The following CHM variants were observed in gnomAD, a reference collection of about 807,000 sequenced individuals.
CHM encodes CHM Rab escort protein.
In CHM, 10 loss-of-function variants were observed where a neutral mutation model predicts 49.0. That is an observed-to-expected ratio of 0.20 (90% CI 0.13 to 0.35). The LOEUF (loss-of-function observed/expected upper bound fraction) is 0.35, where lower values mean the gene tolerates loss of function less well. Among genes scored for constraint, CHM ranks in the 10% least tolerant of loss-of-function variants. CHM has a pLI of 1.00. For synonymous variants in CHM, 184 were observed against 167.5 expected, an observed-to-expected ratio of 1.10 and a Z score of -0.76; for missense variants, 455 against 478.4, an observed-to-expected ratio of 0.95 and a Z score of 0.46.
At chrX:85,868,217 A>G (rs1923829969) in intron 14 of CHM, among the ~76,000 whole-genome samples, 1 of 111,968 alleles carries the variant, frequency 8.9e-6, no homozygotes, top group East Asian at 2.8e-4. Flanking sequence ...TAGAATCTAA[A>G]AAAGTTGAGG....
rs954356289 is a variant in CHM at position 85,861,509 on chromosome X, C to T, written c.*3121G>A. 11 of 111,577 alleles carry T rather than the reference C, an allele frequency of 9.9e-5. No homozygotes were observed. The highest frequency in any genetic ancestry group is 4.8e-4 in the Admixed American group (5 of 10,463). The allele number at this position is 111,577 out of a possible 1,213,427, so 9.2% of individuals were successfully genotyped here. A position where few individuals can be genotyped will look rare whatever the true frequency, so the allele number is the denominator to read the frequency against. ...TACTGCCATTATTTTAGACAAAGGG[C>T]TGACAATCTCAGAAACTAGTTCTAG... is the stretch of plus-strand genomic sequence containing the variant. On this transcript the variant is annotated 3_prime_UTR_variant, in exon 15 of 15. Coordinates refer to ENST00000357749, the MANE Select transcript of CHM (RefSeq NM_000390.4).
At chrX:85,935,521 T>C (rs772261341) in intron 8 of CHM, among the ~76,000 whole-genome samples, 1 of 112,173 alleles carries the variant, frequency 8.9e-6, no homozygotes, top group South Asian at 3.7e-4. Flanking sequence ...CTAGGCTATA[T>C]GCTATATAGC....
chrX:85,927,802 C>T (rs1928181324), intron 8 of CHM, among the ~76,000 whole-genome samples: 1 of 112,017 alleles, frequency 8.9e-6, no homozygotes, highest in Non-Finnish European at 1.9e-5. Flanking sequence ...AAATTTTTGG[C>T]TGGTAGCCCC....
At chrX:85,963,196 GC>G (rs1490485975) in intron 5 of CHM, among the ~76,000 whole-genome samples, 4 of 111,171 alleles carry the variant, frequency 3.6e-5, no homozygotes, top group Admixed American at 9.6e-5. Context: ...ACCCCGACAG[GC>G]CCTGGTGTGT....
At chrX:85,970,188 T>C in intron 4 of CHM, 2 of 548,420 alleles carry the variant, frequency 3.6e-6, no homozygotes, top group Non-Finnish European at 4.4e-6. Flanking sequence ...CCAAAACATA[T>C]TGTATCCCAT....
chrX:85,948,835 T>A (rs1346421070), intron 8 of CHM, among the ~76,000 whole-genome samples: 1 of 111,761 alleles, frequency 8.9e-6, no homozygotes, highest in African/African-American at 3.3e-5. Flanking sequence ...TACTTTAGGA[T>A]AAAAATAAAA....
intron 1 of CHM, among the ~76,000 whole-genome samples, chrX:86,039,866 G>C (rs778235566): frequency 9.0e-6 from 1 of 111,435 alleles, no homozygotes; most frequent in Non-Finnish European, 1.9e-5. Context: ...GCGTAACTTC[G>C]AAGAAGAATC....
intron 8 of CHM, among the ~76,000 whole-genome samples, chrX:85,951,857 C>A (rs1368627934): frequency 8.9e-6 from 1 of 112,601 alleles, no homozygotes; most frequent in East Asian, 2.8e-4. Context: ...CAACCCTCCC[C>A]AATTCCACGG....
At chrX:85,968,767 T>C (rs923783741) in intron 4 of CHM, among the ~76,000 whole-genome samples, 2 of 112,202 alleles carry the variant, frequency 1.8e-5, no homozygotes, top group Admixed American at 1.9e-4. Context: ...AATGGAAGGC[T>C]AAGAGAAGTG....
chrX:85,887,514 T>C (rs1925159668), intron 12 of CHM, among the ~76,000 whole-genome samples: 1 of 111,317 alleles, frequency 9.0e-6, no homozygotes, highest in Admixed American at 9.6e-5. Flanking sequence ...ATACAGTAAA[T>C]TGGTACCATT....
Position 85,946,826 on chromosome X carries a change from C to G in CHM, c.1166+9327G>C, listed in dbSNP as rs192412301. Reference sequence around the variant, plus strand: ...AGGCACAGGCAGCTTGCACCCTGCACCTGAAAAAGCCACAGGCACTCAACA... The same window carrying G: ...AGGCACAGGCAGCTTGCACCCTGCAGCTGAAAAAGCCACAGGCACTCAACA... On this transcript the variant is annotated intron_variant, in intron 8 of 14. Transcript: ENST00000357749. Among the ~76,000 whole-genome samples the G allele has an allele frequency of 1.4e-4, 16 of 112,199 alleles. No homozygotes were observed. In the Admixed American group the frequency reaches 1.5e-3, roughly 11 times the overall value.
intron 2 of CHM, among the ~76,000 whole-genome samples, chrX:86,005,302 G>A (rs764550069): frequency 4.4e-4 from 49 of 111,995 alleles, no homozygotes; most frequent in African/African-American, 1.5e-3. Flanking sequence ...ATGCCCACAA[G>A]AGAAAGCAGG....
chrX:85,889,154 A>T (rs1176444875), intron 12 of CHM, among the ~76,000 whole-genome samples: 1 of 111,900 alleles, frequency 8.9e-6, no homozygotes, highest in African/African-American at 3.2e-5. Flanking sequence ...TATGAAGACT[A>T]TTTACAATTT....
rs184885551 is a variant in CHM at position 86,046,975 on chromosome X, C to T, written c.49+509G>A. ...TTACTTTCCCTAGTAAATTCATACG[C>T]ACATGGGCAATAATTGAGCATCTTT... On this transcript the variant is annotated intron_variant, in intron 1 of 14. Coordinates refer to ENST00000357749, the MANE Select transcript of CHM (RefSeq NM_000390.4). Among the ~76,000 whole-genome samples, 9 of 111,638 alleles carry T rather than the reference C, an allele frequency of 8.1e-5. No homozygotes were observed. The East Asian group carries it at 1.7e-3, about 21-fold the overall frequency.
intron 8 of CHM, among the ~76,000 whole-genome samples, chrX:85,948,150 A>G (rs961873179): frequency 2.7e-5 from 3 of 112,357 alleles, no homozygotes; most frequent in Non-Finnish European, 3.8e-5. Context: ...CTGACGTAGT[A>G]TATAAAACTT....
At chrX:86,000,011 A>T (rs185172182) in intron 2 of CHM, among the ~76,000 whole-genome samples, 1 of 111,762 alleles carries the variant, frequency 8.9e-6, no homozygotes, top group East Asian at 2.8e-4. Context: ...CATGCAAACA[A>T]TAGCAAAAGA....
Position 85,955,389 on chromosome X carries a change from A to G in CHM, c.1166+764T>C, listed in dbSNP as rs951198421. Among the ~76,000 whole-genome samples, 3 of 112,071 alleles carry G rather than the reference A, an allele frequency of 2.7e-5. No individual in the cohort carries two copies. The Admixed American group carries it at 2.8e-4, about 11-fold the overall frequency. ...TATGCCTCCTATGTACCCACAAAAA[A>G]TAAAAATTTTTAAAAATGTGTAAAA... On this transcript the variant is annotated intron_variant, in intron 8 of 14. Transcript: ENST00000357749.
chrX:85,965,674 G>C (rs1428353947), intron 4 of CHM, among the ~76,000 whole-genome samples: 5 of 110,960 alleles, frequency 4.5e-5, no homozygotes, highest in Non-Finnish European at 9.4e-5. Flanking sequence ...AAAAAGAAGT[G>C]CCTTATTAAA....
At chrX:85,870,363 C>T (rs1043290291) in intron 14 of CHM, among the ~76,000 whole-genome samples, 11 of 111,818 alleles carry the variant, frequency 9.8e-5, no homozygotes, top group African/African-American at 3.3e-4. Context: ...ATGTGAACAA[C>T]CTGATAGTTC....
Sources: allele counts gnomAD v4.1 joint callset (sites outside exome capture counted in the v4.1 genomes callset), GRCh38; gene constraint gnomAD v4.1.1; transcripts MANE v1.5; gene names NCBI Gene and HGNC (gene_info 2026-07-23, HGNC 2026-07-21).